The following CELF2 variants were observed in gnomAD, a reference collection of about 807,000 sequenced individuals.
CELF2 encodes the protein CUG triplet repeat RNA-binding protein 2.
A neutral mutation model predicts 62.6 loss-of-function variants in CELF2; 8 were observed. That is an observed-to-expected ratio of 0.13 (90% CI 0.07 to 0.23). CELF2 has a LOEUF of 0.23. CELF2 is among the 10% of genes least tolerant of loss of function. CELF2 has a pLI of 1.00. For missense variants in CELF2, 333 were observed against 671.0 expected (o/e 0.50, Z 5.56); for synonymous variants, 258 against 250.0 (o/e 1.03, Z -0.30).
the CELF2 span, among the ~76,000 whole-genome samples, chr10:10,518,764 G>T: frequency 6.6e-6 from 1 of 151,846 alleles, no homozygotes; most frequent in East Asian, 1.9e-4. Context: ...AATATGAAGG[G>T]GCCACTTGTA....
At chr10:11,250,048 G>A (rs993897776) in intron 4 of CELF2, among the ~76,000 whole-genome samples, 5 of 152,158 alleles carry the variant, frequency 3.3e-5, no homozygotes, top group South Asian at 4.1e-4. Context: ...AGAGATCTAC[G>A]TATCTGCAAA....
chr10:10,879,142 C>A (rs1291297505), intron 1 of CELF2, among the ~76,000 whole-genome samples: 2 of 152,190 alleles, frequency 1.3e-5, no homozygotes, highest in Admixed American at 6.5e-5. Flanking sequence ...TAATTCCAAG[C>A]CTGCACGGCA....
chr10:10,991,959 C>T (rs138541280), intron 2 of CELF2, among the ~76,000 whole-genome samples: 11 of 152,244 alleles, frequency 7.2e-5, no homozygotes, highest in East Asian at 1.9e-4. Context: ...TTATTTTTTA[C>T]GCTATTATGC....
At chr10:10,920,652 A>G (rs766106665) in intron 2 of CELF2, among the ~76,000 whole-genome samples, 18 of 152,204 alleles carry the variant, frequency 1.2e-4, no homozygotes, top group Non-Finnish European at 2.5e-4. Flanking sequence ...ATAACTAGCC[A>G]TCAAGGATGA....
At chr10:10,837,954 A>G (rs1332322231) in intron 1 of CELF2, among the ~76,000 whole-genome samples, 2 of 152,208 alleles carry the variant, frequency 1.3e-5, no homozygotes, top group Non-Finnish European at 2.9e-5. Context: ...CAATTAATGA[A>G]CCAGTATTGA....
chr10:10,815,645 C>A (rs1249597872), intron 1 of CELF2, among the ~76,000 whole-genome samples: 1 of 152,164 alleles, frequency 6.6e-6, no homozygotes, highest in Admixed American at 6.5e-5. Context: ...AATCAAGCAG[C>A]TCTCTCCAGA....
At chr10:11,048,610 C>G (rs561477518) in intron 1 of CELF2, among the ~76,000 whole-genome samples, 2 of 152,314 alleles carry the variant, frequency 1.3e-5, no homozygotes, top group Admixed American at 1.3e-4. Flanking sequence ...CACCATTACG[C>G]TGGGTAAGAT....
the CELF2 span, among the ~76,000 whole-genome samples, chr10:10,533,983 C>G: frequency 6.6e-6 from 1 of 151,454 alleles, no homozygotes; most frequent in African/African-American, 2.4e-5. Context: ...GATCAATCAG[C>G]AATAAAAGAA....
chr10:11,274,262 A>G (rs559651163), intron 7 of CELF2, among the ~76,000 whole-genome samples: 9 of 152,282 alleles, frequency 5.9e-5, no homozygotes, highest in Middle Eastern at 3.4e-3. Context: ...TCTTTCACCT[A>G]AGTTAAGCTG....
At chr10:11,266,565 CT>C (rs1313764548) in intron 5 of CELF2, 32 bp from the exon 6 acceptor site, 1 of 1,587,804 alleles carries the variant, frequency 6.3e-7, no homozygotes, top group Non-Finnish European at 8.6e-7. Flanking sequence ...TGTTTTTTGT[CT>C]TTCCTGCTCC....
the CELF2 span, among the ~76,000 whole-genome samples, chr10:10,672,417 G>T: frequency 2.0e-5 from 3 of 148,316 alleles, no homozygotes; most frequent in African/African-American, 7.4e-5. Context: ...TTATAATTTT[G>T]CATTTTGCAT....
chr10:10,958,299 G>T (rs2049114339), intron 2 of CELF2, among the ~76,000 whole-genome samples: 1 of 152,156 alleles, frequency 6.6e-6, no homozygotes, highest in Admixed American at 6.5e-5. Context: ...GAAGTCCTGT[G>T]CGTCCCAATT....
the CELF2 span, among the ~76,000 whole-genome samples, chr10:10,479,878 C>T: frequency 6.6e-6 from 1 of 152,152 alleles, no homozygotes; most frequent in South Asian, 2.1e-4. Context: ...CAATTTAACC[C>T]TTTTTACCTT....
At chr10:10,779,428 G>GAA in the CELF2 span, among the ~76,000 whole-genome samples, 2 of 152,222 alleles carry the variant, frequency 1.3e-5, no homozygotes, top group South Asian at 4.2e-4. Flanking sequence ...TTTATTCTTG[G>GAA]GCCCCGTTCA....
intron 2 of CELF2, among the ~76,000 whole-genome samples, chr10:11,173,898 C>G (rs954188615): frequency 2.6e-5 from 4 of 152,114 alleles, no homozygotes; most frequent in African/African-American, 9.7e-5. Context: ...GATTTAGCGA[C>G]AGATTGACAT....
chr10:10,554,239 G>A, the CELF2 span, among the ~76,000 whole-genome samples: 1 of 152,168 alleles, frequency 6.6e-6, no homozygotes, highest in East Asian at 1.9e-4. Context: ...CCTGGGAGAA[G>A]CATCTGGCCC....
At chr10:11,182,168 C>A (rs564126710) in intron 2 of CELF2, among the ~76,000 whole-genome samples, 2 of 152,228 alleles carry the variant, frequency 1.3e-5, no homozygotes, top group South Asian at 4.1e-4. Context: ...GCCAGACTTA[C>A]AGATGTTTCG....
At chr10:10,491,665 A>T in the CELF2 span, among the ~76,000 whole-genome samples, 1 of 152,172 alleles carries the variant, frequency 6.6e-6, no homozygotes, top group African/African-American at 2.4e-5. Flanking sequence ...TCTCTGAAAC[A>T]AAAAGTTTGT....
intron 1 of CELF2, among the ~76,000 whole-genome samples, chr10:11,131,428 TC>T (rs781321253): frequency 3.3e-5 from 5 of 152,064 alleles, no homozygotes; most frequent in Non-Finnish European, 7.4e-5. Flanking sequence ...CTGAATAGAG[TC>T]ATGTTAACTG....
Sources: gnomAD v4.1 joint callset for allele counts (sites outside exome capture counted in the v4.1 genomes callset) on GRCh38, gnomAD v4.1.1 for gene constraint, MANE v1.5 for transcripts, NCBI Gene and HGNC (gene_info 2026-07-23, HGNC 2026-07-21) for gene names.